Variants in PTPRT observed in about 807,000 individuals in gnomAD.
PTPRT encodes receptor-type tyrosine-protein phosphatase T.
In PTPRT, 56 loss-of-function variants were observed where a neutral mutation model predicts 176.8. The ratio of observed to expected loss-of-function variants is 0.32; its 90% CI spans 0.26 to 0.40. The LOEUF is 0.40. PTPRT is among the 10% of genes least tolerant of loss of function. The pLI is 1.00. For missense variants in PTPRT, 1,540 were observed against 1,908.2 expected, an observed-to-expected ratio of 0.81 and a Z score of 3.60; for synonymous variants, 783 against 739.0, an observed-to-expected ratio of 1.06 and a Z score of -0.96.
chr20:42,681,569 C>T (rs552637413), intron 6 of PTPRT, among the ~76,000 whole-genome samples: 38 of 152,256 alleles, frequency 2.5e-4, no homozygotes, highest in Middle Eastern at 6.8e-3. Context: ...ACAATTCAAA[C>T]GATGTGCCCT....
chr20:42,849,525 A>T (rs764637558), intron 2 of PTPRT, among the ~76,000 whole-genome samples: 2 of 152,134 alleles, frequency 1.3e-5, no homozygotes, highest in Non-Finnish European at 2.9e-5. Flanking sequence ...CCCTCCTCAC[A>T]TGCCCCTAGG....
chr20:42,227,517 T>C (rs893840910), intron 15 of PTPRT, among the ~76,000 whole-genome samples: 1 of 151,484 alleles, frequency 6.6e-6, no homozygotes, highest in Non-Finnish European at 1.5e-5. Flanking sequence ...ATACAAAAAC[T>C]CTAAAAAGCT....
chr20:42,882,564 C>A (rs1356885077), intron 2 of PTPRT, among the ~76,000 whole-genome samples: 2 of 152,156 alleles, frequency 1.3e-5, no homozygotes, highest in Admixed American at 1.3e-4. Flanking sequence ...GTTAGTAAAG[C>A]ACCCAAAGGC....
At chr20:42,255,594 C>A (rs1183372999) in intron 13 of PTPRT, among the ~76,000 whole-genome samples, 1 of 152,180 alleles carries the variant, frequency 6.6e-6, no homozygotes, top group African/African-American at 2.4e-5. Flanking sequence ...ATCAGGCTTG[C>A]ATCTGGATGA....
rs61753667 is a variant in PTPRT, at chr20:42,161,432, C to A, written c.2602G>T (p.Ala868Ser). Reference sequence around the variant, plus strand: ...TGCAGCAAGTCAGCCACCCGGATGGCGGGTTGGAACTGGTCCCGGGGGTAG... The same window carrying A: ...TGCAGCAAGTCAGCCACCCGGATGGAGGGTTGGAACTGGTCCCGGGGGTAG... ...MSYPRDQFQP[A>S]IRVADLLQHI... Residue 868 changes from alanine (A) to serine (S), a missense_variant, in exon 17 of 31, where the codon GCC becomes TCC. By Grantham distance (99) the Ala-to-Ser change is moderately conservative (BLOSUM62 1). Around this residue, in one of 11 missense-constraint regions of PTPRT, gnomAD observed 255 missense variants for 250.1 expected, o/e 1.02. Coordinates refer to ENST00000373187, the MANE Select transcript of PTPRT (RefSeq NM_007050.6). 1.2e-6 allele frequency: 2 copies of A among 1,613,960 alleles called. No individual in the cohort carries two copies. The highest frequency in any genetic ancestry group is 2.2e-5 in the East Asian group (1 of 44,880).
At chr20:43,163,629 C>A (rs1160539333) in intron 1 of PTPRT, among the ~76,000 whole-genome samples, 1 of 150,712 alleles carries the variant, frequency 6.6e-6, no homozygotes, top group Admixed American at 6.6e-5. Context: ...CAGAGCGAGA[C>A]TCCTTCTCAA....
chr20:42,142,028 G>C (rs1393156699), intron 17 of PTPRT, 26 bp from the exon 18 acceptor site: 1 of 1,596,546 alleles, frequency 6.3e-7, no homozygotes, highest in East Asian at 2.2e-5. Context: ...AGAGTGGTTA[G>C]AGTGGCCTGA....
chr20:42,998,088 C>T (rs747685165), intron 1 of PTPRT, among the ~76,000 whole-genome samples: 1 of 152,072 alleles, frequency 6.6e-6, no homozygotes, highest in Non-Finnish European at 1.5e-5. Flanking sequence ...AGTGTGAGAT[C>T]GTTGATTCTC....
At chr20:42,123,966 T>A (rs540921995) in intron 19 of PTPRT, among the ~76,000 whole-genome samples, 62 of 152,182 alleles carry the variant, frequency 4.1e-4, no homozygotes, top group Non-Finnish European at 6.5e-4. Flanking sequence ...CATGGCCATG[T>A]CCCCAGCACC....
At chr20:42,569,667 C>A (rs1428221023) in intron 7 of PTPRT, among the ~76,000 whole-genome samples, 3 of 152,112 alleles carry the variant, frequency 2.0e-5, no homozygotes, top group Non-Finnish European at 4.4e-5. Flanking sequence ...GAATGGGTTC[C>A]ATTCAGAGCT....
At chr20:42,860,149 T>C (rs2078636530) in intron 2 of PTPRT, among the ~76,000 whole-genome samples, 1 of 152,210 alleles carries the variant, frequency 6.6e-6, no homozygotes, top group African/African-American at 2.4e-5. Flanking sequence ...CATTTCATCT[T>C]GACCTGTCTC....
chr20:42,607,700 T>TGTGAGGGTGATGAGC (rs2073902861), intron 7 of PTPRT: 1 of 152,142 alleles, frequency 6.6e-6, no homozygotes, highest in South Asian at 2.1e-4. Flanking sequence ...AAAGCCAGGA[T>TGTGAGGGTGATGAGC]GTGAGGGTGA....
At chr20:42,184,608 T>TCCTC (rs1568652588) in intron 16 of PTPRT, among the ~76,000 whole-genome samples, 2 of 145,454 alleles carry the variant, frequency 1.4e-5, no homozygotes, top group African/African-American at 5.2e-5. Context: ...TTCTTCTTCT[T>TCCTC]CTTCTTCTCC....
rs1478715742 is a variant in PTPRT at position 43,088,333 on chromosome 20, G to GGC, written c.88+101312_88+101313insGC. ...TGTGTTAGGTTTTGTTTTGCTTTGG[G>GGC]GTGTGTGTGTGTGTGTGTGTGTGTG... On this transcript the variant is annotated intron_variant, in intron 1 of 30. Transcript: ENST00000373187. 8.1e-3 allele frequency among the ~76,000 whole-genome samples: 1,163 copies of GGC among 142,846 alleles called. 15 individuals are homozygous for GGC. The highest frequency in any genetic ancestry group is 0.028 in the African/African-American group (1,090 of 38,530). The allele number at this position is 142,846 out of a possible 152,430, so 93.7% of individuals were successfully genotyped here.
intron 1 of PTPRT, among the ~76,000 whole-genome samples, chr20:42,929,702 A>T (rs905754897): frequency 3.3e-5 from 5 of 152,236 alleles, no homozygotes; most frequent in Non-Finnish European, 7.3e-5. Flanking sequence ...CCTCAGAGTC[A>T]AAATAGCGGA....
At chr20:42,780,123 T>A in intron 4 of PTPRT, 95 bp downstream of exon 4, 1 of 970,526 alleles carries the variant, frequency 1.0e-6, no homozygotes, top group Non-Finnish European at 1.7e-6. Context: ...GAGTGAGAGA[T>A]GTTTGTAAGC....
rs1177836945 is a variant in PTPRT, at chr20:43,086,041, GT to G, written c.88+103604del. On this transcript the variant is annotated intron_variant, in intron 1 of 30. Coordinates refer to ENST00000373187, the MANE Select transcript of PTPRT (RefSeq NM_007050.6). ...GGTATCATTGAACATGGAACCAGAG[GT>G]CCAGGAATTACACGATGGCCCAAGA... Among the ~76,000 whole-genome samples the G allele has an allele frequency of 5.3e-5, 8 of 152,066 alleles. No individual in the cohort carries two copies. The East Asian group carries it at 1.5e-3, about 29-fold the overall frequency.
intron 7 of PTPRT, among the ~76,000 whole-genome samples, chr20:42,637,802 A>C (rs1348338409): frequency 2.0e-5 from 3 of 152,180 alleles, no homozygotes; most frequent in Non-Finnish European, 4.4e-5. Flanking sequence ...TAATTGATTG[A>C]ATAAATAATT....
chr20:42,364,435 T>C (rs527711313), intron 9 of PTPRT, among the ~76,000 whole-genome samples: 1 of 152,168 alleles, frequency 6.6e-6, no homozygotes, highest in Non-Finnish European at 1.5e-5. Context: ...TGTAAGAAAT[T>C]GTATTCGCCC....
Sources: allele counts gnomAD v4.1 joint callset (sites outside exome capture counted in the v4.1 genomes callset), GRCh38; gene constraint gnomAD v4.1.1; regional missense constraint gnomAD v4.1.1; transcripts MANE v1.5; gene names NCBI Gene and HGNC (gene_info 2026-07-23, HGNC 2026-07-21).